Variants in MAGI2 observed in about 807,000 individuals in gnomAD.
MAGI2 encodes the protein membrane-associated guanylate kinase, WW and PDZ domain-containing protein 2.
Under a neutral mutation model 133.3 loss-of-function variants are expected in MAGI2, and 35 were observed. The ratio of observed to expected loss-of-function variants is 0.26; its 90% CI spans 0.20 to 0.35. The LOEUF (loss-of-function observed/expected upper bound fraction) is 0.35. Among genes scored for constraint, MAGI2 ranks in the 10% least tolerant of loss-of-function variants. The pLI is 1.00. For missense variants in MAGI2, 1,636 were observed against 1,863.4 expected (o/e 0.88, Z 2.25); for synonymous variants, 729 against 710.6 (o/e 1.03, Z -0.41).
chr7:79,031,940 A>G (rs968391712), intron 1 of MAGI2, among the ~76,000 whole-genome samples: 3 of 152,298 alleles, frequency 2.0e-5, no homozygotes, highest in African/African-American at 7.2e-5. Flanking sequence ...TTTTCAGTAT[A>G]TTCACATCAG....
intron 2 of MAGI2, among the ~76,000 whole-genome samples, chr7:78,804,896 C>T (rs907240646): frequency 1.5e-4 from 23 of 151,440 alleles, no homozygotes; most frequent in African/African-American, 5.3e-4. Flanking sequence ...GGCAAAACCC[C>T]GTCTCTACTA....
intron 3 of MAGI2, among the ~76,000 whole-genome samples, chr7:78,573,456 A>C (rs1460128001): frequency 8.4e-6 from 1 of 118,504 alleles, no homozygotes; most frequent in East Asian, 2.8e-4. Flanking sequence ...CATATGGCCC[A>C]AGTGGCAGAG....
intron 21 of MAGI2, among the ~76,000 whole-genome samples, chr7:78,059,603 A>C (rs2151131430): frequency 6.6e-6 from 1 of 152,164 alleles, no homozygotes; most frequent in Middle Eastern, 3.4e-3. Flanking sequence ...AGGGTATCTC[A>C]AGACTACCTT....
chr7:79,227,664 A>G (rs1830973589), intron 1 of MAGI2, among the ~76,000 whole-genome samples: 1 of 152,218 alleles, frequency 6.6e-6, no homozygotes, highest in South Asian at 2.1e-4. Flanking sequence ...GAGTAAACAT[A>G]TAGGTGTATC....
intron 1 of MAGI2, among the ~76,000 whole-genome samples, chr7:79,407,828 C>T (rs1460134972): frequency 1.3e-5 from 2 of 151,678 alleles, no homozygotes; most frequent in Non-Finnish European, 2.9e-5. Context: ...GACACAATAC[C>T]TACAATTTTG....
chr7:79,016,710 C>A (rs1808769704), intron 1 of MAGI2, among the ~76,000 whole-genome samples: 2 of 152,286 alleles, frequency 1.3e-5, no homozygotes, highest in Middle Eastern at 3.4e-3. Flanking sequence ...CAACACTCCC[C>A]CAACAGTGCT....
chr7:79,451,596 C>T (rs867962428), intron 1 of MAGI2, among the ~76,000 whole-genome samples: 3 of 152,186 alleles, frequency 2.0e-5, no homozygotes, highest in Non-Finnish European at 2.9e-5. Context: ...TCTTGTATGG[C>T]AATTTACATT....
intron 1 of MAGI2, among the ~76,000 whole-genome samples, chr7:79,297,347 T>TA (rs1837017509): frequency 6.6e-6 from 1 of 152,210 alleles, no homozygotes; most frequent in African/African-American, 2.4e-5. Context: ...TGAAATAAAA[T>TA]AGATTAAGCA....
chr7:78,216,767 A>C (rs2150824468), intron 10 of MAGI2, among the ~76,000 whole-genome samples: 1 of 152,246 alleles, frequency 6.6e-6, no homozygotes, highest in East Asian at 1.9e-4. Flanking sequence ...GCTACTTCCC[A>C]TTTCCATGGT....
In MAGI2 at chr7:78,401,922, G is replaced by A. The variant is rs1796906301; in HGVS notation, c.1046-32709C>T. ...TCCCTCCTTCCCAGATAACAGGTTA[G>A]AAAATGGCTTTTTTTTTCAATGTGT... On this transcript the variant is annotated intron_variant, in intron 6 of 21. Transcript: ENST00000354212. Among the ~76,000 whole-genome samples, 3 of 139,018 alleles carry A rather than the reference G, an allele frequency of 2.2e-5. No individual in the cohort carries two copies. In the South Asian group the frequency reaches 6.9e-4, roughly 32 times the overall value. 91.2% of individuals were successfully genotyped at this position (139,018 alleles called of 152,430 possible). A position where few individuals can be genotyped will look rare whatever the true frequency, so the allele number is the denominator to read the frequency against.
chr7:78,934,496 T>C (rs953909877), intron 2 of MAGI2, among the ~76,000 whole-genome samples: 2 of 152,166 alleles, frequency 1.3e-5, no homozygotes, highest in African/African-American at 4.8e-5. Context: ...TTGCTTATCA[T>C]TGGCATATAA....
intron 9 of MAGI2, among the ~76,000 whole-genome samples, chr7:78,313,512 A>T (rs549719319): frequency 6.6e-6 from 1 of 152,124 alleles, no homozygotes; most frequent in African/African-American, 2.4e-5. Context: ...AGAAACAATG[A>T]TACCAACACA....
chr7:78,523,189 C>G (rs567953475), intron 3 of MAGI2, among the ~76,000 whole-genome samples: 2 of 152,210 alleles, frequency 1.3e-5, no homozygotes, highest in Non-Finnish European at 2.9e-5. Flanking sequence ...GTTACTTAAC[C>G]TCTGTAAGGC....
At chr7:78,514,583 T>G (rs1795886171) in intron 4 of MAGI2, among the ~76,000 whole-genome samples, 2 of 152,146 alleles carry the variant, frequency 1.3e-5, no homozygotes, top group Non-Finnish European at 2.9e-5. Context: ...GATAAATATC[T>G]GGGTAGATAC....
Position 79,192,537 on chromosome 7 carries a change from A to G in MAGI2, c.302-185331T>C, listed in dbSNP as rs74500420. ...GGGGATGTGAGAGACTCTCACTTAC[A>G]TAAAGTGGTTAGAAAAGGCTTTTCT... is the stretch of plus-strand genomic sequence containing the variant. On this transcript the variant is annotated intron_variant, in intron 1 of 21. Transcript: ENST00000354212. Among the ~76,000 whole-genome samples the G allele has an allele frequency of 9.9e-3, 1,498 of 151,976 alleles. 35 individuals carry two copies. Among genetic ancestry groups the G allele is most frequent in the African/African-American group, 0.034 (1,426 of 41,354 alleles).
intron 1 of MAGI2, among the ~76,000 whole-genome samples, chr7:79,228,879 C>T (rs990731480): frequency 2.6e-5 from 4 of 152,170 alleles, no homozygotes; most frequent in South Asian, 2.1e-4. Context: ...GCATTGGAAG[C>T]GGAGTAGGGG....
At chr7:78,689,682 C>CTTTTTTTTTTTTTTTTTTT (rs200333526) in intron 2 of MAGI2, among the ~76,000 whole-genome samples, 11 of 92,020 alleles carry the variant, frequency 1.2e-4, no homozygotes, top group Non-Finnish European at 1.4e-4. Context: ...TTGGATCTGG[C>CTTTTTTTTTTTTTTTTTTT]TTTTTTTTTT....
intron 6 of MAGI2, among the ~76,000 whole-genome samples, chr7:78,378,662 A>AC (rs886591961): frequency 2.6e-5 from 4 of 151,842 alleles, no homozygotes; most frequent in African/African-American, 4.8e-5. Context: ...AAATACACAC[A>AC]CCCCCCACCA....
intron 3 of MAGI2, among the ~76,000 whole-genome samples, chr7:78,619,520 T>G (rs1807486446): frequency 6.6e-6 from 1 of 151,900 alleles, no homozygotes; most frequent in South Asian, 2.1e-4. Context: ...TTTATATGAT[T>G]TATATGATAA....
Sources: gnomAD v4.1 joint callset for allele counts (sites outside exome capture counted in the v4.1 genomes callset) on GRCh38, gnomAD v4.1.1 for gene constraint, MANE v1.5 for transcripts, NCBI Gene and HGNC (gene_info 2026-07-23, HGNC 2026-07-21) for gene names.